PCDHGA9: variants seen among roughly 807,000 people sequenced by gnomAD.
The protein encoded by PCDHGA9 is protocadherin gamma subfamily A, 9.
In PCDHGA9, 37 loss-of-function variants were observed where a neutral mutation model predicts 62.5. The ratio of observed to expected loss-of-function variants is 0.59; its 90% CI spans 0.46 to 0.78. The LOEUF (loss-of-function observed/expected upper bound fraction) is 0.78. Ranked by LOEUF, PCDHGA9 falls within the 30% of genes least tolerant of loss-of-function variation. PCDHGA9 has a pLI of 0.00. For synonymous variants in PCDHGA9, 459 were observed against 484.6 expected (o/e 0.95, Z 0.69); for missense variants, 1,138 against 1,166.2 (o/e 0.98, Z 0.35).
intron 1 of PCDHGA9, chr5:141,415,388 G>C (rs752789407): frequency 6.2e-7 from 1 of 1,614,236 alleles, no homozygotes; most frequent in East Asian, 2.2e-5. Flanking sequence ...GGCTTGACAG[G>C]TGTGTCCGGC....
At position 141,489,474 on chromosome 5, in the gene PCDHGA9, C is replaced by T. The variant is rs772297075; in HGVS notation, c.2425-5333C>T. On this transcript the variant is annotated intron_variant, in intron 1 of 3. Transcript: ENST00000573521. The surrounding 1 kb of genome is among the most constrained non-coding windows in gnomAD (Gnocchi z 4.5). ...AGAATGGGCGCTATTTTTCCCTGAG[C>T]TTGATGAGTGGTGCCCTGGCAGTGA... 6.2e-7 allele frequency: 1 copy of T among 1,614,108 alleles called. No individual in the cohort carries two copies. The highest frequency in any genetic ancestry group is 8.5e-7 in the Non-Finnish European group (1 of 1,180,034).
intron 1 of PCDHGA9, among the ~76,000 whole-genome samples, chr5:141,462,086 A>G (rs993185274): frequency 6.6e-6 from 1 of 151,408 alleles, no homozygotes; most frequent in Non-Finnish European, 1.5e-5. Flanking sequence ...GCCTCCCAAA[A>G]TGCTGGGATT....
chr5:141,492,146 C>T (rs979485619), intron 1 of PCDHGA9, among the ~76,000 whole-genome samples: 3 of 152,242 alleles, frequency 2.0e-5, no homozygotes, highest in African/African-American at 4.8e-5. Flanking sequence ...TGTGACTTCA[C>T]TGTTACCCTC....
chr5:141,494,400 C>A (rs2099754045), intron 1 of PCDHGA9, among the ~76,000 whole-genome samples: 1 of 152,158 alleles, frequency 6.6e-6, no homozygotes, highest in African/African-American at 2.4e-5. Flanking sequence ...TAAATTCATT[C>A]TAGGGCTGGT....
rs1303712746 is a variant in PCDHGA9 at position 141,512,800 on chromosome 5, C to G, written c.*1627C>G. The G allele has an allele frequency of 1.3e-5, 2 of 152,238 alleles. No homozygotes were observed. Among genetic ancestry groups the G allele is most frequent in the African/African-American group, 4.8e-5 (2 of 41,434 alleles). The allele number at this position is 152,238 out of a possible 1,614,324, so 9.4% of individuals were successfully genotyped here. A position where few individuals can be genotyped will look rare whatever the true frequency, so the allele number is the denominator to read the frequency against. On this transcript the variant is annotated 3_prime_UTR_variant, in exon 4 of 4. Coordinates refer to ENST00000573521, the MANE Select transcript of PCDHGA9 (RefSeq NM_018921.3). Reference sequence around the variant, plus strand: ...GCCCGTGTTGTGTTTTGTGCTGTGTCCACGCGCTAAGGCGACCCCCTCCCC... The same window carrying G: ...GCCCGTGTTGTGTTTTGTGCTGTGTGCACGCGCTAAGGCGACCCCCTCCCC...
rs926566427 is a variant in PCDHGA9, at chr5:141,505,127, A to T, written c.2484-266A>T. Among the ~76,000 whole-genome samples, 9 of 152,158 alleles carry T rather than the reference A, an allele frequency of 5.9e-5. No homozygotes were observed. The East Asian group carries it at 1.5e-3, about 26-fold the overall frequency. The stretch of plus-strand genomic sequence containing the variant: ...CAATGAGCCAAGATCGCGCCACTGC[A>T]CTCCAGCCTGGATGACAGAGTAAGA... On this transcript the variant is annotated intron_variant, in intron 2 of 3. Transcript: ENST00000573521.
At chr5:141,474,361 T>C (rs2099347915) in intron 1 of PCDHGA9, among the ~76,000 whole-genome samples, 2 of 152,210 alleles carry the variant, frequency 1.3e-5, no homozygotes, top group South Asian at 2.1e-4. Context: ...CATGTCTCAG[T>C]AGGTCTAGAG....
chr5:141,434,747 C>T (rs2097714000), intron 1 of PCDHGA9, among the ~76,000 whole-genome samples: 1 of 151,606 alleles, frequency 6.6e-6, no homozygotes, highest in South Asian at 2.1e-4. Flanking sequence ...GCTATGAGAC[C>T]CCTGATTCCC....
Position 141,476,676 on chromosome 5 carries a change from G to T in PCDHGA9, c.2425-18131G>T. 1.2e-6 allele frequency: 2 copies of T among 1,614,222 alleles called. No individual in the cohort carries two copies. The highest frequency in any genetic ancestry group is 1.7e-6 in the Non-Finnish European group (2 of 1,180,054). ...TACTTTGCGCTTCGCGTGCAGACGC[G>T]GGAGGACAGCACCAAGTACGCGGAG... On this transcript the variant is annotated intron_variant, in intron 1 of 3. Transcript: ENST00000573521. The surrounding 1 kb of genome is among the most constrained non-coding windows in gnomAD (Gnocchi z 7.6).
intron 1 of PCDHGA9, chr5:141,415,488 C>T: frequency 1.9e-6 from 3 of 1,614,220 alleles, no homozygotes; most frequent in Non-Finnish European, 2.5e-6. Context: ...GAAAGAGTCA[C>T]CTGATCTTCC....
rs775576610 is a variant in PCDHGA9, at chr5:141,404,315, G to T, written c.1363G>T (p.Ala455Ser). Residue 455 changes from alanine to serine, a missense_variant, in exon 1 of 4, where the codon GCC becomes TCC. Physicochemically the swap from Ala to Ser is moderately conservative, Grantham distance 99. Coordinates refer to ENST00000573521, the MANE Select transcript of PCDHGA9 (RefSeq NM_018921.3). ...TGATAATCCACCTGCTTTCTCTCAAGCCTCCTACTCAGTCTACCTCCCGGA... is the reference window on the plus strand; with the variant it reads ...TGATAATCCACCTGCTTTCTCTCAATCCTCCTACTCAGTCTACCTCCCGGA... ...INDNPPAFSQ[A>S]SYSVYLPENN... The T allele has an allele frequency of 1.2e-6, 2 of 1,613,886 alleles. No homozygotes were observed. The highest frequency in any genetic ancestry group is 2.7e-5 in the African/African-American group (2 of 75,028).
intron 1 of PCDHGA9, among the ~76,000 whole-genome samples, chr5:141,483,160 T>C (rs1199191595): frequency 6.6e-6 from 1 of 152,176 alleles, no homozygotes; most frequent in Non-Finnish European, 1.5e-5. Flanking sequence ...AGTTAGATCC[T>C]GAGTTACCTT....
chr5:141,462,393 C>A (rs1465154354), intron 1 of PCDHGA9, among the ~76,000 whole-genome samples: 4 of 152,062 alleles, frequency 2.6e-5, no homozygotes, highest in African/African-American at 9.7e-5. Flanking sequence ...GTTAACATTT[C>A]TTTTATGGCA....
chr5:141,405,354 T>G lies in PCDHGA9; in HGVS notation c.2402T>G (p.Ile801Arg), dbSNP rs781757006. The G allele has an allele frequency of 3.7e-6, 6 of 1,614,112 alleles. No homozygotes were observed. In the East Asian group the frequency reaches 1.3e-4, roughly 36 times the overall value. Residue 801 changes from isoleucine to arginine, a missense_variant, in exon 1 of 4, where the codon ATA (isoleucine) becomes AGA (arginine). Coordinates refer to ENST00000573521, the MANE Select transcript of PCDHGA9 (RefSeq NM_018921.3). The stretch of plus-strand genomic sequence containing the variant: ...GTCTCTGTTGATTCCAAGTTTCCTA[T>G]AGAAGACACCCCTTTGGTTCCGGTG... Reference protein sequence around the residue: ...LCVSVDSKFPIEDTPLVPQAP... With the variant: ...LCVSVDSKFPREDTPLVPQAP...
In PCDHGA9 at chr5:141,489,906, C is replaced by T. The variant is rs550717535; in HGVS notation, c.2425-4901C>T. On this transcript the variant is annotated intron_variant, in intron 1 of 3. Transcript: ENST00000573521. The surrounding 1 kb of genome is among the most constrained non-coding windows in gnomAD (Gnocchi z 4.5). ...CTGTGGATGGGGGGACCCCAGCCCG[C>T]TCAGGGACCACCCTTATCTCTGTCA... 4.5e-5 allele frequency: 72 copies of T among 1,614,234 alleles called. No individual in the cohort carries two copies. In the African/African-American group the frequency reaches 5.6e-4, roughly 13 times the overall value.
In PCDHGA9 at chr5:141,423,130, G is replaced by A. The variant is rs770258338; in HGVS notation, c.2424+17754G>A. On this transcript the variant is annotated intron_variant, in intron 1 of 3. Coordinates refer to ENST00000573521, the MANE Select transcript of PCDHGA9 (RefSeq NM_018921.3). The stretch of plus-strand genomic sequence containing the variant: ...GGTGCGTACAGCGCGGGCACTGCTG[G>A]ACAGAGACGCGCTCAAGCAGAGCCT... The A allele has an allele frequency of 9.3e-6, 15 of 1,613,582 alleles. No individual in the cohort carries two copies. Among genetic ancestry groups the A allele is most frequent in the Middle Eastern group, 1.6e-4 (1 of 6,072 alleles).
At chr5:141,439,009 G>T (rs1474312524) in intron 1 of PCDHGA9, among the ~76,000 whole-genome samples, 1 of 151,594 alleles carries the variant, frequency 6.6e-6, no homozygotes, top group Non-Finnish European at 1.5e-5. Flanking sequence ...TGGTTTGTTT[G>T]TCAAATTTTG....
chr5:141,510,847 AG>A, intron 3 of PCDHGA9, 99 bp from the exon 4 acceptor site: 3 of 1,595,350 alleles, frequency 1.9e-6, no homozygotes, highest in Non-Finnish European at 2.6e-6. Context: ...GTCAAGGCCC[AG>A]GGTGCTGTAT....
intron 1 of PCDHGA9, chr5:141,478,148 C>A: frequency 6.2e-7 from 1 of 1,614,066 alleles, no homozygotes; most frequent in Non-Finnish European, 8.5e-7. Flanking sequence ...AGCCGAGTTC[C>A]CCTCTGGCTC....
Sources: allele counts gnomAD v4.1 joint callset (sites outside exome capture counted in the v4.1 genomes callset), GRCh38; gene constraint gnomAD v4.1.1; non-coding constraint Gnocchi (gnomAD v3.1); transcripts MANE v1.5; gene names NCBI Gene and HGNC (gene_info 2026-07-23, HGNC 2026-07-21).